The following NAALADL2 variants were observed in gnomAD, a reference collection of about 807,000 sequenced individuals.
NAALADL2 encodes the protein inactive N-acetylated-alpha-linked acidic dipeptidase-like protein 2.
In NAALADL2, 76 loss-of-function variants were observed where a neutral mutation model predicts 87.2. The ratio of observed to expected loss-of-function variants is 0.87; its 90% confidence interval spans 0.72 to 1.05. The LOEUF is 1.05. Among genes scored for constraint, NAALADL2 ranks in the 50% least tolerant of loss-of-function variants. The pLI is 0.00. For missense variants in NAALADL2, 1,089 were observed against 945.8 expected, an observed-to-expected ratio of 1.15 and a Z score of -1.99; for synonymous variants, 354 against 331.0, an observed-to-expected ratio of 1.07 and a Z score of -0.75.
intron 1 of NAALADL2, among the ~76,000 whole-genome samples, chr3:174,880,213 AC>A (rs1729033814): frequency 6.6e-6 from 1 of 152,018 alleles, no homozygotes; most frequent in African/African-American, 2.4e-5. Context: ...CAACGTATCT[AC>A]CTGGGTATGA....
intron 2 of NAALADL2, among the ~76,000 whole-genome samples, chr3:175,101,292 A>G (rs1309991081): frequency 1.3e-5 from 2 of 152,180 alleles, no homozygotes; most frequent in Non-Finnish European, 2.9e-5. Context: ...ATTCTCCAGG[A>G]TGAAATGTCA....
At chr3:174,454,100 C>T (rs1559994052) in intron 1 of NAALADL2, among the ~76,000 whole-genome samples, 1 of 151,982 alleles carries the variant, frequency 6.6e-6, no homozygotes, top group Non-Finnish European at 1.5e-5. Flanking sequence ...GGTTACCACA[C>T]TAATTTTAGA....
At chr3:175,348,291 T>A (rs1225571670) in intron 5 of NAALADL2, among the ~76,000 whole-genome samples, 1 of 152,176 alleles carries the variant, frequency 6.6e-6, no homozygotes, top group Non-Finnish European at 1.5e-5. Context: ...CCTCAGGTGA[T>A]CTGCCCGCCT....
chr3:175,065,155 G>A (rs1224766236), intron 1 of NAALADL2, among the ~76,000 whole-genome samples: 1 of 152,060 alleles, frequency 6.6e-6, no homozygotes, highest in African/African-American at 2.4e-5. Context: ...TTTGAATCCT[G>A]GGCGAGACAT....
chr3:175,692,064 C>T (rs568492425), intron 11 of NAALADL2, among the ~76,000 whole-genome samples: 2 of 152,010 alleles, frequency 1.3e-5, no homozygotes, highest in South Asian at 4.1e-4. Flanking sequence ...AAGTTGTATA[C>T]CTCTTATATG....
chr3:174,725,738 A>G (rs1383807702), intron 2 of NAALADL2, among the ~76,000 whole-genome samples: 4 of 152,188 alleles, frequency 2.6e-5, no homozygotes, highest in Non-Finnish European at 4.4e-5. Flanking sequence ...GACAACATAC[A>G]TGGTGCCAGA....
At chr3:175,029,336 T>C (rs1461947524) in intron 1 of NAALADL2, among the ~76,000 whole-genome samples, 1 of 152,036 alleles carries the variant, frequency 6.6e-6, no homozygotes, top group Non-Finnish European at 1.5e-5. Context: ...TGTAATCCTT[T>C]AGATGTGTGA....
chr3:174,495,391 T>A (rs767007135), intron 1 of NAALADL2, among the ~76,000 whole-genome samples: 1 of 152,162 alleles, frequency 6.6e-6, no homozygotes, highest in African/African-American at 2.4e-5. Flanking sequence ...TCAAAAAACA[T>A]TTAATGGGCA....
intron 1 of NAALADL2, among the ~76,000 whole-genome samples, chr3:174,998,225 A>AC (rs1747789288): frequency 6.6e-6 from 1 of 152,204 alleles, no homozygotes; most frequent in Non-Finnish European, 1.5e-5. Flanking sequence ...GTACAAGGAT[A>AC]CCCTATTATA....
At chr3:174,472,671 A>T (rs953697516) in intron 1 of NAALADL2, among the ~76,000 whole-genome samples, 1 of 152,068 alleles carries the variant, frequency 6.6e-6, no homozygotes, top group Non-Finnish European at 1.5e-5. Flanking sequence ...TTTTGTTGTC[A>T]TTGTCATACA....
Position 175,096,820 on chromosome 3 carries a change from C to A in NAALADL2, c.74C>A (p.Ala25Glu), listed in dbSNP as rs770582820. The A allele has an allele frequency of 1.3e-6, 2 of 1,593,970 alleles. No individual in the cohort carries two copies. The highest frequency in any genetic ancestry group is 2.3e-5 in the South Asian group (2 of 87,410). The change falls in exon 2 of 14, where the codon GCA (alanine) becomes GAA (glutamate). Residue 25 changes from alanine to glutamate, a missense_variant. Coordinates refer to ENST00000454872, the MANE Select transcript of NAALADL2 (RefSeq NM_207015.3). ...AAGATGGCCTATCAGAAGGTCCATG[C>A]AGATCAAAGAGCTCCAGGACACTCA... Reference protein sequence around the residue: ...GKKMAYQKVHADQRAPGHSQY... With the variant: ...GKKMAYQKVHEDQRAPGHSQY...
At chr3:174,689,166 T>A (rs1728323350) in intron 2 of NAALADL2, among the ~76,000 whole-genome samples, 2 of 152,162 alleles carry the variant, frequency 1.3e-5, no homozygotes, top group African/African-American at 4.8e-5. Context: ...CGAACCTGTT[T>A]TATTTCTCTC....
intron 11 of NAALADL2, among the ~76,000 whole-genome samples, chr3:175,674,778 T>C (rs183255010): frequency 1.4e-3 from 214 of 152,302 alleles, no homozygotes; most frequent in Admixed American, 2.6e-3. Context: ...ATTTGGTCTT[T>C]TGATGATTTT....
intron 2 of NAALADL2, among the ~76,000 whole-genome samples, chr3:174,692,513 A>G (rs1358948433): frequency 1.3e-5 from 2 of 152,068 alleles, no homozygotes; most frequent in African/African-American, 4.8e-5. Flanking sequence ...TTCAGTTGTT[A>G]TGGTTGTGCC....
chr3:174,855,428 T>C (rs1725736914), upstream of NAALADL2, among the ~76,000 whole-genome samples: 1 of 152,166 alleles, frequency 6.6e-6, no homozygotes, highest in Non-Finnish European at 1.5e-5. Context: ...ATCCTGGTTT[T>C]GACTTTTATT....
chr3:174,807,391 C>T (rs958034282), intron 3 of NAALADL2, among the ~76,000 whole-genome samples: 13 of 152,020 alleles, frequency 8.6e-5, no homozygotes, highest in African/African-American at 2.7e-4. Context: ...TGCACTTAGC[C>T]GTGTCCAAGT....
At chr3:174,854,799 G>A (rs1390703737), upstream of NAALADL2, among the ~76,000 whole-genome samples, 1 of 143,958 alleles carries the variant, frequency 6.9e-6, no homozygotes, top group Non-Finnish European at 1.5e-5. Flanking sequence ...CAAATATTAC[G>A]TACTTTACAT....
intron 2 of NAALADL2, among the ~76,000 whole-genome samples, chr3:174,665,271 A>C (rs1725860085): frequency 6.6e-6 from 1 of 152,146 alleles, no homozygotes; most frequent in African/African-American, 2.4e-5. Context: ...AAATTAGAGA[A>C]ATCCTAGATT....
chr3:174,986,046 T>G (rs1402610584), intron 1 of NAALADL2, among the ~76,000 whole-genome samples: 4 of 152,054 alleles, frequency 2.6e-5, no homozygotes, highest in African/African-American at 9.7e-5. Context: ...TATAAGTTTG[T>G]CATTGTCTAC....
Sources: allele counts gnomAD v4.1 joint callset (sites outside exome capture counted in the v4.1 genomes callset), GRCh38; gene constraint gnomAD v4.1.1; transcripts MANE v1.5; gene names NCBI Gene and HGNC (gene_info 2026-07-23, HGNC 2026-07-21).